The following C12orf42 variants were observed in gnomAD, a reference collection of about 807,000 sequenced individuals.
The protein encoded by C12orf42 is uncharacterized protein C12orf42.
Under a neutral mutation model 21.6 loss-of-function variants are expected in C12orf42, and 25 were observed. The observed-to-expected ratio is 1.16, with a 90% CI of 0.84 to 1.62. The LOEUF (loss-of-function observed/expected upper bound fraction) is 1.62, where lower values mean the gene tolerates loss of function less well. Among genes scored for constraint, C12orf42 ranks in the 40% most tolerant of loss-of-function variants. The pLI, the probability that C12orf42 is intolerant of heterozygous loss-of-function variation, is 0.00. For missense variants in C12orf42, 483 were observed against 459.3 expected (o/e 1.05, Z -0.47); for synonymous variants, 174 against 175.0 (o/e 0.99, Z 0.05).
At chr12:103,350,455 C>A (rs1238671528) in intron 4 of C12orf42, among the ~76,000 whole-genome samples, 3 of 152,104 alleles carry the variant, frequency 2.0e-5, no homozygotes, top group Non-Finnish European at 2.9e-5. Context: ...AATAATGGCA[C>A]CAACACACAA....
At chr12:103,101,313 T>C in the C12orf42 span, among the ~76,000 whole-genome samples, 1 of 152,238 alleles carries the variant, frequency 6.6e-6, no homozygotes, top group Non-Finnish European at 1.5e-5. Flanking sequence ...CATTTCATTC[T>C]GAGAGGAATG....
At chr12:103,123,179 C>T in the C12orf42 span, among the ~76,000 whole-genome samples, 1 of 152,202 alleles carries the variant, frequency 6.6e-6, no homozygotes, top group East Asian at 1.9e-4. Flanking sequence ...GTGGGCTTAG[C>T]ACCTGCCTTG....
At chr12:103,308,962 C>T (rs143895649) in intron 4 of C12orf42, among the ~76,000 whole-genome samples, 3 of 152,240 alleles carry the variant, frequency 2.0e-5, no homozygotes, top group African/African-American at 7.2e-5. Flanking sequence ...CCAACAACCA[C>T]CAAAAGCTAG....
chr12:103,386,794 T>C (rs2046645706), intron 3 of C12orf42, among the ~76,000 whole-genome samples: 1 of 152,266 alleles, frequency 6.6e-6, no homozygotes, highest in African/African-American at 2.4e-5. Context: ...TGACCGAGAC[T>C]CCAAGTGCTA....
At chr12:103,462,755 T>C (rs1952823269) in intron 2 of C12orf42, among the ~76,000 whole-genome samples, 2 of 152,180 alleles carry the variant, frequency 1.3e-5, no homozygotes, top group Admixed American at 1.3e-4. Flanking sequence ...ACCGTCAGTA[T>C]GATGGCTAAA....
intron 2 of C12orf42, among the ~76,000 whole-genome samples, chr12:103,436,247 G>A (rs1421708473): frequency 1.3e-5 from 2 of 150,530 alleles, no homozygotes; most frequent in African/African-American, 4.9e-5. Context: ...AGCTCCTGAA[G>A]GAAGCGCTAA....
the C12orf42 span, among the ~76,000 whole-genome samples, chr12:103,115,455 G>A: frequency 6.6e-6 from 1 of 152,192 alleles, no homozygotes; most frequent in Non-Finnish European, 1.5e-5. Context: ...TTAGAAAATT[G>A]TGTAGACACT....
At chr12:103,430,960 T>C (rs1950219833) in intron 2 of C12orf42, among the ~76,000 whole-genome samples, 1 of 151,864 alleles carries the variant, frequency 6.6e-6, no homozygotes, top group African/African-American at 2.4e-5. Flanking sequence ...CTGGGGCCTG[T>C]TGAGGGGTAG....
the C12orf42 span, among the ~76,000 whole-genome samples, chr12:103,200,994 A>G: frequency 6.6e-6 from 1 of 152,224 alleles, no homozygotes; most frequent in Non-Finnish European, 1.5e-5. Context: ...TGGTTATGGA[A>G]GCATTTTCCC....
chr12:103,436,275 C>T lies in C12orf42; in HGVS notation c.79-34600G>A, dbSNP rs1213363887. On this transcript the variant is annotated intron_variant, in intron 2 of 5. Transcript: ENST00000548883. ...AGCGCTAAACATGGAAAGGAACAAC[C>T]GGTACCAGGCGCTGCAAAATCATGC... 6.6e-5 allele frequency among the ~76,000 whole-genome samples: 10 copies of T among 151,630 alleles called. No homozygotes were observed. The East Asian group carries it at 9.7e-4, about 15-fold the overall frequency.
chr12:103,119,684 C>A, the C12orf42 span, among the ~76,000 whole-genome samples: 1 of 152,130 alleles, frequency 6.6e-6, no homozygotes, highest in East Asian at 1.9e-4. Flanking sequence ...ATTCTGAGCA[C>A]CTAGCCCAAC....
chr12:103,514,610 G>T, the C12orf42 span, among the ~76,000 whole-genome samples: 1 of 152,110 alleles, frequency 6.6e-6, no homozygotes, highest in Non-Finnish European at 1.5e-5. Context: ...ACCACTGGAG[G>T]CTTTTGAACA....
the C12orf42 span, among the ~76,000 whole-genome samples, chr12:103,144,383 A>G: frequency 0.017 from 2,538 of 152,318 alleles, 28 homozygotes; most frequent in South Asian, 0.034. Flanking sequence ...ATCGCTCCAG[A>G]GGCTACTTGC....
intron 5 of C12orf42, among the ~76,000 whole-genome samples, chr12:103,303,247 A>AAT (rs967077381): frequency 5.3e-5 from 8 of 151,910 alleles, no homozygotes; most frequent in East Asian, 3.9e-4. Flanking sequence ...TGTGTGTGTG[A>AAT]ATATATATAT....
chr12:103,163,104 C>T, the C12orf42 span, among the ~76,000 whole-genome samples: 10 of 152,236 alleles, frequency 6.6e-5, no homozygotes, highest in African/African-American at 2.4e-4. Context: ...TCACTTTTTA[C>T]TCACATCAGT....
At chr12:103,177,662 C>A in the C12orf42 span, among the ~76,000 whole-genome samples, 1 of 152,196 alleles carries the variant, frequency 6.6e-6, no homozygotes, top group East Asian at 1.9e-4. Context: ...TAATAAGACT[C>A]CTTTAAGAAG....
chr12:103,537,311 T>C, the C12orf42 span, among the ~76,000 whole-genome samples: 10 of 150,586 alleles, frequency 6.6e-5, no homozygotes, highest in Admixed American at 4.6e-4. Flanking sequence ...AATCAGATAG[T>C]TTGCGTTCTT....
At chr12:103,193,513 G>A in the C12orf42 span, among the ~76,000 whole-genome samples, 5 of 151,752 alleles carry the variant, frequency 3.3e-5, no homozygotes, top group Non-Finnish European at 7.4e-5. Context: ...AAATTAAAAA[G>A]GGGACACTAC....
chr12:103,206,911 C>A, the C12orf42 span, among the ~76,000 whole-genome samples: 1 of 152,192 alleles, frequency 6.6e-6, no homozygotes, highest in Non-Finnish European at 1.5e-5. Context: ...TGAATGGAAT[C>A]AGAGCTCTCT....
Sources: gnomAD v4.1 joint callset for allele counts (sites outside exome capture counted in the v4.1 genomes callset) on GRCh38, gnomAD v4.1.1 for gene constraint, MANE v1.5 for transcripts, NCBI Gene and HGNC (gene_info 2026-07-23, HGNC 2026-07-21) for gene names.